Variants in DOK5 observed in about 807,000 individuals in gnomAD.
The protein encoded by DOK5 is downstream of tyrosine kinase 5.
DOK5 carries 27 observed loss-of-function variants against 43.3 expected under a neutral mutation model. The observed-to-expected ratio is 0.62, with a 90% CI of 0.46 to 0.86. DOK5 has a LOEUF of 0.86. Ranked by LOEUF, DOK5 falls within the 40% of genes least tolerant of loss-of-function variation. The probability of loss-of-function intolerance (pLI) is 0.00; values close to 1 mark genes in which losing one functional copy is unlikely to be tolerated. For synonymous variants in DOK5, 146 were observed against 140.1 expected (o/e 1.04, Z -0.30); for missense variants, 373 against 392.9 (o/e 0.95, Z 0.43).
chr20:54,646,892 C>CTTTT (rs11483952), intron 7 of DOK5, among the ~76,000 whole-genome samples: 2 of 138,118 alleles, frequency 1.4e-5, no homozygotes, highest in Non-Finnish European at 3.2e-5. Context: ...GAATTTCAGG[C>CTTTT]TTTTTTTTTT....
intron 1 of DOK5, among the ~76,000 whole-genome samples, chr20:54,500,398 C>T (rs1456556466): frequency 6.6e-6 from 1 of 152,028 alleles, no homozygotes; most frequent in African/African-American, 2.4e-5. Flanking sequence ...CATTGTTTTG[C>T]TGAATTTTAT....
intron 6 of DOK5, among the ~76,000 whole-genome samples, chr20:54,622,104 G>C (rs1386131646): frequency 3.9e-5 from 6 of 151,932 alleles, no homozygotes; most frequent in Admixed American, 3.9e-4. Context: ...TGAGGCAGGA[G>C]TATCGCTTGA....
rs115272128 is a variant in DOK5 at position 54,493,273 on chromosome 20, C to T, written c.66+17261C>T. Among the ~76,000 whole-genome samples the T allele has an allele frequency of 2.9e-3, 434 of 152,198 alleles. 2 individuals are homozygous for T. The highest frequency in any genetic ancestry group is 1.0e-2 in the African/African-American group (415 of 41,514). On this transcript the variant is annotated intron_variant, in intron 1 of 7. Coordinates refer to ENST00000262593, the MANE Select transcript of DOK5 (RefSeq NM_018431.5). Reference sequence around the variant, plus strand: ...ACACTGTGTGACCCAGAGCCTGCTGCGTTCACTCGCTGTGTCACACCATAC... The same window carrying T: ...ACACTGTGTGACCCAGAGCCTGCTGTGTTCACTCGCTGTGTCACACCATAC...
chr20:54,614,360 G>A (rs964653476), intron 6 of DOK5, among the ~76,000 whole-genome samples: 6 of 152,218 alleles, frequency 3.9e-5, no homozygotes, highest in African/African-American at 1.4e-4. Context: ...GAATGCGAGA[G>A]AGAGTGAGAG....
intron 5 of DOK5, among the ~76,000 whole-genome samples, chr20:54,601,921 C>A (rs1986309745): frequency 6.6e-6 from 1 of 152,198 alleles, no homozygotes; most frequent in Non-Finnish European, 1.5e-5. Flanking sequence ...TATTTTCATT[C>A]TCAAAGAAGA....
In DOK5 at chr20:54,612,275, A is replaced by C. The variant is rs1038139809; in HGVS notation, c.735+1752A>C. 1.4e-4 allele frequency among the ~76,000 whole-genome samples: 22 copies of C among 152,336 alleles called. 1 individual carries two copies. The highest frequency in any genetic ancestry group is 1.2e-3 in the East Asian group (6 of 5,188). On this transcript the variant is annotated intron_variant, in intron 6 of 7. Coordinates refer to ENST00000262593, the MANE Select transcript of DOK5 (RefSeq NM_018431.5). ...GAGCAAGTGCCTGCCCCCGTGAGCC[A>C]GTGCTGACGTAAGCATTTGCGAGAA...
At chr20:54,539,793 C>T (rs1984086255) in intron 1 of DOK5, among the ~76,000 whole-genome samples, 1 of 152,156 alleles carries the variant, frequency 6.6e-6, no homozygotes, top group Non-Finnish European at 1.5e-5. Flanking sequence ...GCCCAATCAA[C>T]AGTTATATTC....
intron 2 of DOK5, among the ~76,000 whole-genome samples, chr20:54,575,386 A>G (rs1985421386): frequency 1.3e-5 from 2 of 152,244 alleles, no homozygotes; most frequent in African/African-American, 4.8e-5. Context: ...ATGAGGAACT[A>G]TTGCCTATTT....
At chr20:54,555,314 G>A (rs1229625658) in intron 2 of DOK5, 1 of 309,726 alleles carries the variant, frequency 3.2e-6, no homozygotes, top group Admixed American at 4.2e-5. Context: ...TCCCTACACT[G>A]AAGCCCCGAG....
At chr20:54,555,246 C>T in intron 2 of DOK5, 1 of 519,810 alleles carries the variant, frequency 1.9e-6, no homozygotes, top group South Asian at 2.1e-5. Flanking sequence ...CTGCTATTTG[C>T]TGTAGCTGTT....
chr20:54,579,445 G>A (rs759539794), intron 2 of DOK5, among the ~76,000 whole-genome samples: 6 of 152,040 alleles, frequency 3.9e-5, no homozygotes, highest in Non-Finnish European at 7.4e-5. Context: ...AAACTCTTAA[G>A]TGTACAGTGC....
chr20:54,580,337 GT>G (rs1985597106), intron 2 of DOK5, among the ~76,000 whole-genome samples: 2 of 152,118 alleles, frequency 1.3e-5, no homozygotes, highest in Admixed American at 6.6e-5. Context: ...TCAAGACCTT[GT>G]TTTCAATTTT....
intron 6 of DOK5, among the ~76,000 whole-genome samples, chr20:54,633,840 C>T (rs1365484787): frequency 6.6e-6 from 1 of 152,180 alleles, no homozygotes; most frequent in African/African-American, 2.4e-5. Context: ...TGAATCCAGA[C>T]TGATGTCACA....
At chr20:54,501,406 G>A (rs1265505648) in intron 1 of DOK5, among the ~76,000 whole-genome samples, 1 of 144,346 alleles carries the variant, frequency 6.9e-6, no homozygotes, top group Non-Finnish European at 1.5e-5. Flanking sequence ...GGCGGAGCTT[G>A]CAGTGAGCCG....
At chr20:54,543,541 C>CTG (rs74179284) in intron 1 of DOK5, among the ~76,000 whole-genome samples, 11,302 of 143,432 alleles carry the variant, frequency 0.079, 1,109 homozygotes, top group African/African-American at 0.23. Flanking sequence ...CCTAGAATTG[C>CTG]TGTGTGTGTG....
intron 2 of DOK5, among the ~76,000 whole-genome samples, chr20:54,572,691 T>C (rs1275402251): frequency 1.3e-5 from 2 of 152,212 alleles, no homozygotes; most frequent in African/African-American, 2.4e-5. Context: ...CCCCCTTTTT[T>C]TTGTAGGTCT....
chr20:54,517,274 G>A (rs779356042), intron 1 of DOK5, among the ~76,000 whole-genome samples: 1 of 151,984 alleles, frequency 6.6e-6, no homozygotes, highest in African/African-American at 2.4e-5. Context: ...CTGAATAATC[G>A]GCATAGGTAT....
intron 6 of DOK5, among the ~76,000 whole-genome samples, chr20:54,613,002 C>T (rs1986698333): frequency 6.6e-6 from 1 of 152,168 alleles, no homozygotes; most frequent in African/African-American, 2.4e-5. Flanking sequence ...ACATGTTCAG[C>T]CCAGAGCTCA....
At chr20:54,583,629 TA>T (rs929458929) in intron 2 of DOK5, among the ~76,000 whole-genome samples, 2 of 152,176 alleles carry the variant, frequency 1.3e-5, no homozygotes, top group Non-Finnish European at 2.9e-5. Flanking sequence ...TTTTTCATTA[TA>T]GTGTCCTTCT....
Sources: allele counts gnomAD v4.1 joint callset (sites outside exome capture counted in the v4.1 genomes callset), GRCh38; gene constraint gnomAD v4.1.1; transcripts MANE v1.5; gene names NCBI Gene and HGNC (gene_info 2026-07-23, HGNC 2026-07-21).